Variants in ENTHD1 observed in about 807,000 individuals in gnomAD.
ENTHD1 encodes ENTH domain-containing protein 1.
In ENTHD1, 23 loss-of-function variants were observed where a neutral mutation model predicts 39.1. The ratio of observed to expected loss-of-function variants is 0.59; its 90% CI spans 0.42 to 0.83. The LOEUF (loss-of-function observed/expected upper bound fraction) is 0.83. Among genes scored for constraint, ENTHD1 ranks in the 40% least tolerant of loss-of-function variants. ENTHD1 has a pLI of 0.00. For missense variants in ENTHD1, 624 were observed against 705.4 expected (o/e 0.88, Z 1.31); for synonymous variants, 230 against 258.2 (o/e 0.89, Z 1.05).
intron 4 of ENTHD1, among the ~76,000 whole-genome samples, chr22:39,834,867 A>G (rs1452962892): frequency 1.3e-5 from 2 of 152,202 alleles, no homozygotes; most frequent in African/African-American, 4.8e-5. Flanking sequence ...AAAAAATTCC[A>G]TCTCAAAAGG....
rs1038829317 is a variant in ENTHD1, at chr22:39,765,708, A to G, written c.833-99T>C. 9.9e-6 allele frequency: 12 copies of G among 1,207,324 alleles called. No homozygotes were observed. In the African/African-American group the frequency reaches 1.4e-4, roughly 14 times the overall value. 74.8% of individuals were successfully genotyped at this position (1,207,324 alleles called of 1,614,324 possible). A position where few individuals can be genotyped will look rare whatever the true frequency, so the allele number is the denominator to read the frequency against. On this transcript the variant is annotated intron_variant, in intron 5 of 6. Coordinates refer to ENST00000325157, the MANE Select transcript of ENTHD1 (RefSeq NM_152512.4). Reference sequence around the variant, plus strand: ...TTAATAAATAGGATTTTTTAATGTCATAACAGAATTCTTTCCTATTTAGCC... The same window carrying G: ...TTAATAAATAGGATTTTTTAATGTCGTAACAGAATTCTTTCCTATTTAGCC...
chr22:39,829,346 A>T (rs2065849294), intron 4 of ENTHD1, among the ~76,000 whole-genome samples: 1 of 152,040 alleles, frequency 6.6e-6, no homozygotes, highest in Non-Finnish European at 1.5e-5. Context: ...AAGTAAGAAA[A>T]AAACAATAGT....
chr22:39,803,132 A>G (rs1601604708), intron 5 of ENTHD1, among the ~76,000 whole-genome samples: 1 of 152,050 alleles, frequency 6.6e-6, no homozygotes, highest in East Asian at 1.9e-4. Flanking sequence ...ATCTCCCCAC[A>G]AGACTTCCGC....
chr22:39,802,144 G>A (rs572007252), intron 5 of ENTHD1, among the ~76,000 whole-genome samples: 1 of 152,164 alleles, frequency 6.6e-6, no homozygotes, highest in Non-Finnish European at 1.5e-5. Context: ...ACTATAGGGT[G>A]AAAAAGGTGT....
At chr22:39,885,318 T>C (rs1054260634) in intron 2 of ENTHD1, among the ~76,000 whole-genome samples, 2 of 152,178 alleles carry the variant, frequency 1.3e-5, no homozygotes, top group East Asian at 1.9e-4. Context: ...ACCAGTAGGA[T>C]AGCTATAATC....
rs1185641197 is a variant in ENTHD1 at position 39,892,667 on chromosome 22, TGGGA to T, written c.-156+1024_-156+1027del. ...GCTGAACTGACTTTATCCAAAGACT[TGGGA>T]CAATAATGACAATAGCATCTAAGAG... On this transcript the variant is annotated intron_variant, in intron 1 of 6. Coordinates refer to ENST00000325157, the MANE Select transcript of ENTHD1 (RefSeq NM_152512.4). Among the ~76,000 whole-genome samples, 1,095 of 152,296 alleles carry T rather than the reference TGGGA, an allele frequency of 7.2e-3. 18 individuals are homozygous for T. The highest frequency in any genetic ancestry group is 0.025 in the African/African-American group (1,047 of 41,564).
chr22:39,816,905 A>T (rs1002822266), intron 5 of ENTHD1, among the ~76,000 whole-genome samples: 1 of 151,946 alleles, frequency 6.6e-6, no homozygotes, highest in Non-Finnish European at 1.5e-5. Context: ...CTATGTATAT[A>T]TCTATAGATA....
rs554831534 is a variant in ENTHD1, at chr22:39,808,480, T to A, written c.832+12513A>T. ...TTACCCTTTGAAAGAAACATACAGC[T>A]GTTTCATTCTAATAAAAAGTCAACT... On this transcript the variant is annotated intron_variant, in intron 5 of 6. Coordinates refer to ENST00000325157, the MANE Select transcript of ENTHD1 (RefSeq NM_152512.4). 2.6e-5 allele frequency among the ~76,000 whole-genome samples: 4 copies of A among 152,312 alleles called. No homozygotes were observed. The East Asian group carries it at 5.8e-4, about 22-fold the overall frequency.
At chr22:39,808,167 CAT>C (rs559478295) in intron 5 of ENTHD1, among the ~76,000 whole-genome samples, 85 of 152,250 alleles carry the variant, frequency 5.6e-4, no homozygotes, top group Non-Finnish European at 1.1e-3. Flanking sequence ...GCACACACAA[CAT>C]GAGTGTTGGC....
At chr22:39,839,870 AAAT>A (rs1336145883) in intron 3 of ENTHD1, among the ~76,000 whole-genome samples, 1 of 152,236 alleles carries the variant, frequency 6.6e-6, no homozygotes, top group Non-Finnish European at 1.5e-5. Context: ...GTGAAAGAAA[AAAT>A]ATCTTGCATG....
Position 39,743,752 on chromosome 22 carries a change from C to T in ENTHD1, c.1751G>A (p.Ser584Asn). The change falls in exon 7 of 7, where the codon AGT becomes AAT. Residue 584 changes from serine to asparagine, a missense_variant. Coordinates refer to ENST00000325157, the MANE Select transcript of ENTHD1 (RefSeq NM_152512.4). ...CTGGCTTATTTGTGAACTATTCAGA[C>T]TCATGCTCATCAAGATGTTATTGAT... ...NVINNILMSM[S>N]LNSSQISQSS... The T allele has an allele frequency of 6.2e-7, 1 of 1,614,160 alleles. No individual in the cohort carries two copies. The highest frequency in any genetic ancestry group is 8.5e-7 in the Non-Finnish European group (1 of 1,180,004).
At chr22:39,790,712 A>G (rs1005618668) in intron 5 of ENTHD1, among the ~76,000 whole-genome samples, 3 of 152,134 alleles carry the variant, frequency 2.0e-5, no homozygotes, top group Non-Finnish European at 4.4e-5. Context: ...GACCCTGACT[A>G]CACTCCCAGG....
intron 3 of ENTHD1, among the ~76,000 whole-genome samples, chr22:39,838,344 C>T (rs2065920913): frequency 1.3e-5 from 2 of 152,024 alleles, no homozygotes; most frequent in African/African-American, 2.4e-5. Context: ...TGAAAAATGA[C>T]TTCATCAAGT....
intron 5 of ENTHD1, among the ~76,000 whole-genome samples, chr22:39,809,751 G>C (rs2065671387): frequency 6.6e-6 from 1 of 152,170 alleles, no homozygotes; most frequent in African/African-American, 2.4e-5. Flanking sequence ...GGATAACAGG[G>C]ATGGTGCAAT....
At chr22:39,788,547 T>G (rs2065477881) in intron 5 of ENTHD1, among the ~76,000 whole-genome samples, 1 of 152,214 alleles carries the variant, frequency 6.6e-6, no homozygotes, top group Admixed American at 6.5e-5. Context: ...CTGTGAACAT[T>G]GTTGCAATGT....
At chr22:39,813,992 GA>G (rs1162112880) in intron 5 of ENTHD1, among the ~76,000 whole-genome samples, 14 of 151,918 alleles carry the variant, frequency 9.2e-5, no homozygotes, top group Admixed American at 6.5e-4. Context: ...TAAACCTAAC[GA>G]AAGATATACA....
chr22:39,891,603 A>T (rs1205716316), intron 1 of ENTHD1, among the ~76,000 whole-genome samples: 1 of 151,190 alleles, frequency 6.6e-6, no homozygotes, highest in Admixed American at 6.6e-5. Context: ...CACCAAGCCT[A>T]ACTAATTAAA....
At position 39,743,999 on chromosome 22, in the gene ENTHD1, T is replaced by C. The variant is rs1369173240; in HGVS notation, c.1504A>G (p.Lys502Glu). 6.2e-7 allele frequency: 1 copy of C among 1,614,186 alleles called. No homozygotes were observed. The highest frequency in any genetic ancestry group is 1.7e-5 in the Admixed American group (1 of 60,026). Reference protein sequence around the residue: ...GILPNNSDSAKKNISHISSSH... With the variant: ...GILPNNSDSAEKNISHISSSH... ...CTAGAAATGTGACTTATATTCTTTT[T>C]AGCAGAATCAGAGTTATTTGGAAGA... Residue 502 changes from lysine (K) to glutamate (E), a missense_variant, in exon 7 of 7, where the codon AAA becomes GAA. Physicochemically the swap from Lys to Glu is moderately conservative, Grantham distance 56. Transcript: ENST00000325157.
intron 5 of ENTHD1, among the ~76,000 whole-genome samples, chr22:39,811,045 T>A (rs1305525017): frequency 1.3e-5 from 2 of 152,306 alleles, no homozygotes; most frequent in East Asian, 3.9e-4. Flanking sequence ...CAAGCACTCT[T>A]GATGCTACAT....
Sources: gnomAD v4.1 joint callset for allele counts (sites outside exome capture counted in the v4.1 genomes callset) on GRCh38, gnomAD v4.1.1 for gene constraint, MANE v1.5 for transcripts, NCBI Gene and HGNC (gene_info 2026-07-23, HGNC 2026-07-21) for gene names.